Variants in EXPH5 observed in about 807,000 individuals in gnomAD.
EXPH5 encodes exophilin 5.
Under a neutral mutation model 41.1 loss-of-function variants are expected in EXPH5, and 42 were observed. That is an observed-to-expected ratio of 1.02 (90% CI 0.80 to 1.32). The LOEUF (loss-of-function observed/expected upper bound fraction) is 1.32, where lower values mean the gene tolerates loss of function less well. Ranked by LOEUF, EXPH5 falls within the 40% of genes most tolerant of loss-of-function variation. EXPH5 has a pLI of 0.00. For missense variants in EXPH5, 2,298 were observed against 2,314.5 expected, an observed-to-expected ratio of 0.99 and a Z score of 0.15; for synonymous variants, 798 against 833.5, an observed-to-expected ratio of 0.96 and a Z score of 0.73.
chr11:108,553,728 G>A (rs1320900470), intron 1 of EXPH5, among the ~76,000 whole-genome samples: 1 of 152,152 alleles, frequency 6.6e-6, no homozygotes, highest in East Asian at 1.9e-4. Context: ...TCAATCTAGG[G>A]GATAATAAAT....
At chr11:108,560,369 A>C (rs981107205) in intron 1 of EXPH5, among the ~76,000 whole-genome samples, 4 of 152,226 alleles carry the variant, frequency 2.6e-5, no homozygotes, top group African/African-American at 7.2e-5. Flanking sequence ...TGCCTTTTCC[A>C]ATTCCTCTCT....
chr11:108,512,964 T>C lies in EXPH5; in HGVS notation c.2543A>G (p.His848Arg), dbSNP rs2093694035. The C allele has an allele frequency of 1.1e-5, 17 of 1,612,460 alleles. No homozygotes were observed. Among genetic ancestry groups the C allele is most frequent in the Non-Finnish European group, 1.4e-5 (17 of 1,179,426 alleles). ...AGTATCAGTCAGTGCAGAGCTCCAG[T>C]GGTTATTTGTAATAATTCTTGAAAT... ...EDISRIITNN[H>R]WSSALTDTQN... The change falls in exon 6 of 6, where the codon CAC becomes CGC. Residue 848 changes from histidine (H) to arginine (R), a missense_variant. Physicochemically the swap from His to Arg is conservative, Grantham distance 29. Coordinates refer to ENST00000265843, the MANE Select transcript of EXPH5 (RefSeq NM_015065.3).
chr11:108,576,662 T>C (rs2094080654), intron 1 of EXPH5, among the ~76,000 whole-genome samples: 1 of 152,254 alleles, frequency 6.6e-6, no homozygotes, highest in Non-Finnish European at 1.5e-5. Flanking sequence ...AATATAAGAA[T>C]ACAATGTGTA....
intron 1 of EXPH5, among the ~76,000 whole-genome samples, chr11:108,561,505 C>A (rs922269435): frequency 2.6e-5 from 4 of 152,144 alleles, no homozygotes; most frequent in Admixed American, 6.5e-5. Flanking sequence ...TTCTAGCAAA[C>A]AGGTATCCCA....
chr11:108,535,404 C>T (rs2093872746), intron 3 of EXPH5, among the ~76,000 whole-genome samples: 1 of 152,166 alleles, frequency 6.6e-6, no homozygotes, highest in African/African-American at 2.4e-5. Flanking sequence ...GACACCATGC[C>T]TGGAATCACA....
At chr11:108,539,370 T>C (rs1041425136) in intron 2 of EXPH5, among the ~76,000 whole-genome samples, 184 bp from the exon 3 acceptor site, 3 of 152,202 alleles carry the variant, frequency 2.0e-5, no homozygotes, top group Admixed American at 2.0e-4. Context: ...GCGCCTCTGA[T>C]GGTTCTGCTG....
rs749246400 is a variant in EXPH5 at position 108,509,714 on chromosome 11, G to T, written c.5793C>A (p.Asn1931Lys). 4.3e-6 allele frequency: 7 copies of T among 1,610,060 alleles called. No individual in the cohort carries two copies. In the South Asian group the frequency reaches 7.8e-5, roughly 18 times the overall value. The change falls in exon 6 of 6, where the codon AAC (asparagine) becomes AAA (lysine). Residue 1931 changes from asparagine (N) to lysine (K), a missense_variant. By Grantham distance (94) the Asn-to-Lys change is moderately conservative (BLOSUM62 0). Transcript: ENST00000265843. Reference protein sequence around the residue: ...FLKDDLRNPPNPSESLSSNSP... With the variant: ...FLKDDLRNPPKPSESLSSNSP... ...AATTTGAGCTTAATGACTCTGAGGG[G>T]TTGGGAGGGTTCCTCAAATCATCTT...
intron 1 of EXPH5, among the ~76,000 whole-genome samples, chr11:108,581,845 A>T (rs1417348037): frequency 1.3e-5 from 2 of 152,146 alleles, no homozygotes; most frequent in Non-Finnish European, 2.9e-5. Context: ...AGACATTAAA[A>T]GGATAATAAA....
chr11:108,584,021 A>G (rs1169749394), intron 1 of EXPH5, among the ~76,000 whole-genome samples: 1 of 152,246 alleles, frequency 6.6e-6, no homozygotes, highest in African/African-American at 2.4e-5. Flanking sequence ...GTATTTCTCT[A>G]TACTAGCAAT....
Position 108,593,583 on chromosome 11 carries a change from G to GT in EXPH5, c.-48dup. 2.5e-6 allele frequency: 4 copies of GT among 1,613,342 alleles called. No individual in the cohort carries two copies. The highest frequency in any genetic ancestry group is 3.4e-6 in the Non-Finnish European group (4 of 1,179,686). ...ACACTTAAGCTCCTTGGCGCCTCCT[G>GT]TTAGGAAGGCATTTTTCAACCTGTA... On this transcript the variant is annotated 5_prime_UTR_variant, in exon 1 of 6. Coordinates refer to ENST00000265843, the MANE Select transcript of EXPH5 (RefSeq NM_015065.3).
At chr11:108,550,094 C>T (rs546258974) in intron 1 of EXPH5, among the ~76,000 whole-genome samples, 23 of 152,322 alleles carry the variant, frequency 1.5e-4, no homozygotes, top group Admixed American at 4.6e-4. Context: ...TTAAGAGGCA[C>T]CTCCTTTCAC....
chr11:108,588,341 A>G (rs1488835490), intron 1 of EXPH5, among the ~76,000 whole-genome samples: 1 of 152,172 alleles, frequency 6.6e-6, no homozygotes. Flanking sequence ...TTTTATGGTG[A>G]ATGGAGATAA....
chr11:108,538,941 T>C, intron 3 of EXPH5, 83 bp downstream of exon 3: 1 of 1,224,564 alleles, frequency 8.2e-7, no homozygotes, highest in Non-Finnish European at 1.1e-6. Context: ...GAACAAACAT[T>C]AAACATTTTG....
Position 108,510,356 on chromosome 11 carries a change from T to A in EXPH5, c.5151A>T (p.Lys1717Asn). The A allele has an allele frequency of 8.7e-6, 14 of 1,614,246 alleles. No individual in the cohort carries two copies. Among genetic ancestry groups the A allele is most frequent in the Non-Finnish European group, 1.2e-5 (14 of 1,180,044 alleles). ...CTAAATTCTGAGCTGCTGTGACGTC[T>A]TTAGAATTCTCATGCTTTGATGGTG... The part of the protein sequence containing the change: ...SESPSKHENS[K>N]DVTAAQNLVR... The change falls in exon 6 of 6, where the codon AAA becomes AAT. Residue 1717 changes from lysine (K) to asparagine (N), a missense_variant. By Grantham distance (94) the Lys-to-Asn change is moderately conservative (BLOSUM62 0). Coordinates refer to ENST00000265843, the MANE Select transcript of EXPH5 (RefSeq NM_015065.3).
intron 1 of EXPH5, among the ~76,000 whole-genome samples, chr11:108,572,441 A>G (rs1193949957): frequency 6.6e-6 from 1 of 152,212 alleles, no homozygotes; most frequent in African/African-American, 2.4e-5. Flanking sequence ...TGTGCAGACA[A>G]TGATCTCCTA....
At chr11:108,568,519 C>T (rs2094045410) in intron 1 of EXPH5, among the ~76,000 whole-genome samples, 1 of 152,166 alleles carries the variant, frequency 6.6e-6, no homozygotes, top group African/African-American at 2.4e-5. Context: ...TCCCCCCAAC[C>T]CCCAGTCTTG....
At position 108,593,704 on chromosome 11, in the gene EXPH5, G is replaced by A. The variant is rs764113790; in HGVS notation, c.-168C>T. The A allele has an allele frequency of 1.9e-5, 30 of 1,543,370 alleles. No individual in the cohort carries two copies. Among genetic ancestry groups the A allele is most frequent in the Non-Finnish European group, 2.6e-5 (30 of 1,148,182 alleles). ...AACCTAGGGAACGCCCACACCTGAA[G>A]GGCTCATATTGACAATACCTTAATG... On this transcript the variant is annotated 5_prime_UTR_variant, in exon 1 of 6. Coordinates refer to ENST00000265843, the MANE Select transcript of EXPH5 (RefSeq NM_015065.3).
In EXPH5 at chr11:108,518,260, T is replaced by C. The variant is rs2093740122; in HGVS notation, c.606A>G (p.Ser202=). ...CTTGGAAAAACTCATTCTCCAGCAG[T>C]GAAGCATCCCACGGTGGAGGCATGC... is the stretch of plus-strand genomic sequence containing the variant. The part of the protein sequence containing the change: ...ESGMPPPWDA[S]LLENEFFQVL... Residue 202 remains serine, a synonymous_variant, in exon 5 of 6, where the codon TCA becomes TCG. Coordinates refer to ENST00000265843, the MANE Select transcript of EXPH5 (RefSeq NM_015065.3). The C allele has an allele frequency of 6.2e-7, 1 of 1,613,854 alleles. No individual in the cohort carries two copies. The highest frequency in any genetic ancestry group is 8.5e-7 in the Non-Finnish European group (1 of 1,179,882).
At chr11:108,533,528 G>A (rs1250193034) in intron 3 of EXPH5, among the ~76,000 whole-genome samples, 2 of 152,072 alleles carry the variant, frequency 1.3e-5, no homozygotes, top group African/African-American at 4.8e-5. Flanking sequence ...GCACAAATCT[G>A]CCCCTTTTTT....
Sources: gnomAD v4.1 joint callset for allele counts (sites outside exome capture counted in the v4.1 genomes callset) on GRCh38, gnomAD v4.1.1 for gene constraint, MANE v1.5 for transcripts, NCBI Gene and HGNC (gene_info 2026-07-23, HGNC 2026-07-21) for gene names.